Variants in DPYSL2 observed in about 807,000 individuals in gnomAD.
The protein encoded by DPYSL2 is dihydropyrimidinase like 2.
In DPYSL2, 13 loss-of-function variants were observed where a neutral mutation model predicts 69.9. The observed-to-expected ratio is 0.19, with a 90% confidence interval of 0.12 to 0.30. DPYSL2 has a LOEUF of 0.30. Among genes scored for constraint, DPYSL2 ranks in the 10% least tolerant of loss-of-function variants. DPYSL2 has a pLI of 1.00. For synonymous variants in DPYSL2, 326 were observed against 359.1 expected (o/e 0.91, Z 1.04); for missense variants, 587 against 918.9 (o/e 0.64, Z 4.67).
rs1371872370 is a variant in DPYSL2, at chr8:26,652,475, C to A, written c.1776+39C>A. 2.6e-6 allele frequency: 4 copies of A among 1,562,942 alleles called. No homozygotes were observed. Among genetic ancestry groups the A allele is most frequent in the Non-Finnish European group, 3.5e-6 (4 of 1,149,126 alleles). On this transcript the variant is annotated intron_variant, in intron 12 of 13. Transcript: ENST00000521913. This position sits in a 1 kb window ranked among gnomAD's most constrained non-coding sequence, Gnocchi z 6.3. ...TTCTGATGAATTTTTTGTTAAATCA[C>A]GAATTAAGTTCAAGGCCACAAACAT...
At chr8:26,528,625 G>A (rs1469533372) in intron 1 of DPYSL2, among the ~76,000 whole-genome samples, 1 of 149,346 alleles carries the variant, frequency 6.7e-6, no homozygotes, top group Non-Finnish European at 1.5e-5. Context: ...CCAGCCTGGC[G>A]ACTAAGGGAG....
chr8:26,524,717 G>A (rs924213436), intron 1 of DPYSL2, among the ~76,000 whole-genome samples: 3 of 141,560 alleles, frequency 2.1e-5, no homozygotes, highest in Non-Finnish European at 3.0e-5. Context: ...CAGGAGAATC[G>A]CTTGAACCTG....
In DPYSL2 at chr8:26,650,499, GA is replaced by G. The variant is rs576990627; in HGVS notation, c.1597-1757del. On this transcript the variant is annotated intron_variant, in intron 11 of 13. Transcript: ENST00000521913. This position sits in a 1 kb window ranked among gnomAD's most constrained non-coding sequence, Gnocchi z 5.3. ...ATTGTCATCTTCACATACACCTCGG[GA>G]GGGTGCAGATGAAGAAACTGAAGCT... 2.0e-3 allele frequency among the ~76,000 whole-genome samples: 308 copies of G among 152,348 alleles called. 1 individual carries two copies. Among genetic ancestry groups the G allele is most frequent in the African/African-American group, 7.0e-3 (290 of 41,566 alleles).
chr8:26,618,856 G>T (rs1011343051), intron 3 of DPYSL2, among the ~76,000 whole-genome samples: 1 of 151,700 alleles, frequency 6.6e-6, no homozygotes, highest in Admixed American at 6.6e-5. Context: ...TACTCAGGAC[G>T]CTGAGGCAGG....
Position 26,516,558 on chromosome 8 carries a change from T to A in DPYSL2, c.354+1879T>A, listed in dbSNP as rs1402281395. The stretch of plus-strand genomic sequence containing the variant: ...AAAGGCATAGTTTTATCGGGTTGAA[T>A]AACACTTCTTTTTTCTTGGCCATTT... On this transcript the variant is annotated intron_variant, in intron 1 of 13. Transcript: ENST00000521913. The surrounding 1 kb of genome is among the most constrained non-coding windows in gnomAD (Gnocchi z 4.8). Among the ~76,000 whole-genome samples, 2 of 152,216 alleles carry A rather than the reference T, an allele frequency of 1.3e-5. No individual in the cohort carries two copies. Among genetic ancestry groups the A allele is most frequent in the Non-Finnish European group, 1.5e-5 (1 of 68,034 alleles).
chr8:26,568,206 G>C (rs186511297), intron 1 of DPYSL2, among the ~76,000 whole-genome samples: 1 of 152,338 alleles, frequency 6.6e-6, no homozygotes, highest in East Asian at 1.9e-4. Flanking sequence ...GCTGGAGGGA[G>C]ACCAGTCGTT....
rs990366206 is a variant in DPYSL2, at chr8:26,571,020, C to A, written c.355-10949C>A. Reference sequence around the variant, plus strand: ...AGTATTTTAGAAGATTGTACTGTTTCCAGAAGGCAGACAAGTGGAATGAGA... The same window carrying A: ...AGTATTTTAGAAGATTGTACTGTTTACAGAAGGCAGACAAGTGGAATGAGA... On this transcript the variant is annotated intron_variant, in intron 1 of 13. Transcript: ENST00000521913. This position sits in a 1 kb window ranked among gnomAD's most constrained non-coding sequence, Gnocchi z 6.1. Among the ~76,000 whole-genome samples the A allele has an allele frequency of 6.6e-6, 1 of 152,150 alleles. No individual in the cohort carries two copies. The highest frequency in any genetic ancestry group is 1.5e-5 in the Non-Finnish European group (1 of 68,032).
intron 8 of DPYSL2, among the ~76,000 whole-genome samples, chr8:26,637,094 G>A (rs1002860633): frequency 2.6e-5 from 4 of 152,202 alleles, no homozygotes; most frequent in African/African-American, 7.2e-5. Flanking sequence ...GGGGTGAGCA[G>A]TAGGAGGGGA....
chr8:26,590,954 C>A (rs1217363518), intron 3 of DPYSL2, among the ~76,000 whole-genome samples: 1 of 152,234 alleles, frequency 6.6e-6, no homozygotes, highest in Non-Finnish European at 1.5e-5. Flanking sequence ...GAAGCAAGGG[C>A]ATCCCCAAGT....
In DPYSL2 at chr8:26,642,177, C is replaced by T. The variant is rs148152594; in HGVS notation, c.1127-1262C>T. On this transcript the variant is annotated intron_variant, in intron 8 of 13. Coordinates refer to ENST00000521913, the MANE Select transcript of DPYSL2 (RefSeq NM_001197293.3). This position sits in a 1 kb window ranked among gnomAD's most constrained non-coding sequence, Gnocchi z 5.3. ...TAGACCATTTAATCAATTTAACACA[C>T]GTTTTTGGAGTGCCTACTATGTGCA... Among the ~76,000 whole-genome samples the T allele has an allele frequency of 1.3e-4, 20 of 152,258 alleles. No individual in the cohort carries two copies. Among genetic ancestry groups the T allele is most frequent in the African/African-American group, 4.1e-4 (17 of 41,562 alleles).
At chr8:26,566,326 G>T (rs753767635) in intron 1 of DPYSL2, among the ~76,000 whole-genome samples, 5 of 152,104 alleles carry the variant, frequency 3.3e-5, no homozygotes, top group Admixed American at 6.5e-5. Context: ...AAAAAATCAC[G>T]GGATCCCCCT....
In DPYSL2 at chr8:26,653,222, T is replaced by G. The variant is rs1195116287; in HGVS notation, c.1777-10T>G. Reference sequence around the variant, plus strand: ...GTGGCCTGAGCTGGGGGGACTCTTGTGTTTTGCAGCTGGCTGAGCTGAGAG... The same window carrying G: ...GTGGCCTGAGCTGGGGGGACTCTTGGGTTTTGCAGCTGGCTGAGCTGAGAG... On this transcript the variant is annotated splice_polypyrimidine_tract_variant and intron_variant, in intron 12 of 13. Coordinates refer to ENST00000521913, the MANE Select transcript of DPYSL2 (RefSeq NM_001197293.3). This position sits in a 1 kb window ranked among gnomAD's most constrained non-coding sequence, Gnocchi z 5.7. 1.2e-6 allele frequency: 2 copies of G among 1,612,712 alleles called. No homozygotes were observed. Among genetic ancestry groups the G allele is most frequent in the Admixed American group, 3.3e-5 (2 of 59,874 alleles).
intron 1 of DPYSL2, among the ~76,000 whole-genome samples, chr8:26,534,603 A>G (rs1200577479): frequency 6.6e-6 from 1 of 152,104 alleles, no homozygotes; most frequent in East Asian, 1.9e-4. Flanking sequence ...AAATGAAAAT[A>G]TAGGACACAC....
chr8:26,592,618 G>T (rs1407271842), intron 3 of DPYSL2, among the ~76,000 whole-genome samples: 1 of 151,768 alleles, frequency 6.6e-6, no homozygotes, highest in Admixed American at 6.6e-5. Flanking sequence ...TTGGATTACA[G>T]GCATGCACCA....
chr8:26,643,918 C>G lies in DPYSL2; in HGVS notation c.1284-32C>G, dbSNP rs1363842151. 1.9e-6 allele frequency: 3 copies of G among 1,606,456 alleles called. No individual in the cohort carries two copies. Among genetic ancestry groups the G allele is most frequent in the Non-Finnish European group, 2.6e-6 (3 of 1,175,316 alleles). On this transcript the variant is annotated intron_variant, in intron 9 of 13. Transcript: ENST00000521913. The surrounding 1 kb of genome is among the most constrained non-coding windows in gnomAD (Gnocchi z 6.5). ...GTAGGCGCACAGCATCTTGACGAAG[C>G]TGCAGCACCACGTTATGCATTTTCT...
At chr8:26,515,311 G>C (rs1034968026) in intron 1 of DPYSL2, among the ~76,000 whole-genome samples, 5 of 152,214 alleles carry the variant, frequency 3.3e-5, no homozygotes, top group Admixed American at 2.6e-4. Context: ...AGGAAACCGA[G>C]ACGCTCCTAA....
At chr8:26,559,738 TA>T (rs1361414175) in intron 1 of DPYSL2, among the ~76,000 whole-genome samples, 2 of 152,242 alleles carry the variant, frequency 1.3e-5, no homozygotes, top group Non-Finnish European at 2.9e-5. Flanking sequence ...TTATGTATAT[TA>T]AGACATTTAA....
intron 1 of DPYSL2, among the ~76,000 whole-genome samples, chr8:26,567,289 C>CCATCCATCCATT (rs1801167683): frequency 6.6e-6 from 1 of 151,790 alleles, no homozygotes; most frequent in African/African-American, 2.4e-5. Flanking sequence ...ACCCATCCAT[C>CCATCCATCCATT]CATCCACCCA....
intron 13 of DPYSL2, among the ~76,000 whole-genome samples, chr8:26,655,004 G>A (rs1803351260): frequency 6.6e-6 from 1 of 151,816 alleles, no homozygotes; most frequent in East Asian, 1.9e-4. Flanking sequence ...ATCACGCCTG[G>A]CTAATTTTTT....
Sources: allele counts gnomAD v4.1 joint callset (sites outside exome capture counted in the v4.1 genomes callset), GRCh38; gene constraint gnomAD v4.1.1; non-coding constraint Gnocchi (gnomAD v3.1); transcripts MANE v1.5; gene names NCBI Gene and HGNC (gene_info 2026-07-23, HGNC 2026-07-21).